Variants in DLG2 observed in about 807,000 individuals in gnomAD.
The protein encoded by DLG2 is disks large homolog 2.
A neutral mutation model predicts 132.5 loss-of-function variants in DLG2; 45 were observed. The ratio of observed to expected loss-of-function variants is 0.34; its 90% CI spans 0.27 to 0.44. DLG2 has a LOEUF of 0.44. Ranked by LOEUF, DLG2 falls within the 20% of genes least tolerant of loss-of-function variation. The pLI is 1.00. For missense variants in DLG2, 1,045 were observed against 1,196.9 expected, an observed-to-expected ratio of 0.87 and a Z score of 1.87; for synonymous variants, 424 against 419.6, an observed-to-expected ratio of 1.01 and a Z score of -0.13.
rs542667860 is a variant in DLG2 at position 84,601,258 on chromosome 11, C to T, written c.358-66527G>A. 8.5e-5 allele frequency among the ~76,000 whole-genome samples: 13 copies of T among 152,154 alleles called. No individual in the cohort carries two copies. The South Asian group carries it at 2.5e-3, about 29-fold the overall frequency. ...ACACACACACACACGCACTCATGCACATACAGAGAATATTGCTCTTCATTA... is the reference window on the plus strand; with the variant it reads ...ACACACACACACACGCACTCATGCATATACAGAGAATATTGCTCTTCATTA... On this transcript the variant is annotated intron_variant, in intron 6 of 27. Transcript: ENST00000376104.
At chr11:85,258,249 T>C (rs1394456843) in intron 4 of DLG2, among the ~76,000 whole-genome samples, 2 of 152,224 alleles carry the variant, frequency 1.3e-5, no homozygotes, top group African/African-American at 4.8e-5. Flanking sequence ...TTATTCAATA[T>C]AGTCCTCTCC....
At chr11:84,008,027 G>A (rs1478488069) in intron 11 of DLG2, among the ~76,000 whole-genome samples, 1 of 151,586 alleles carries the variant, frequency 6.6e-6, no homozygotes, top group Admixed American at 6.6e-5. Flanking sequence ...TAAATTTTAG[G>A]TATTATTAAT....
At chr11:84,525,097 T>C (rs1361817302) in intron 7 of DLG2, among the ~76,000 whole-genome samples, 1 of 152,130 alleles carries the variant, frequency 6.6e-6, no homozygotes, top group Admixed American at 6.5e-5. Context: ...CCAAAGCCCA[T>C]ATATGGTGGT....
At chr11:84,963,603 T>G (rs955642060) in intron 6 of DLG2, among the ~76,000 whole-genome samples, 3 of 152,200 alleles carry the variant, frequency 2.0e-5, no homozygotes, top group Non-Finnish European at 4.4e-5. Flanking sequence ...GACAGGAGGA[T>G]GGCTATAGTT....
intron 6 of DLG2, among the ~76,000 whole-genome samples, chr11:84,737,184 T>G (rs1299900873): frequency 3.3e-5 from 5 of 151,994 alleles, no homozygotes; most frequent in Non-Finnish European, 7.4e-5. Context: ...CAATCCTGTA[T>G]TCCTGAAATA....
intron 6 of DLG2, among the ~76,000 whole-genome samples, chr11:84,547,172 T>C (rs1426871237): frequency 1.3e-5 from 2 of 152,192 alleles, no homozygotes; most frequent in Non-Finnish European, 2.9e-5. Flanking sequence ...ATCTAGTAAG[T>C]AGTCACTTAG....
At chr11:85,317,732 G>A (rs1475155806) in intron 3 of DLG2, among the ~76,000 whole-genome samples, 2 of 151,876 alleles carry the variant, frequency 1.3e-5, no homozygotes, top group Non-Finnish European at 2.9e-5. Flanking sequence ...ACATAGAAGG[G>A]AGCAAGATAC....
At chr11:83,798,162 T>C (rs1210773308) in intron 17 of DLG2, among the ~76,000 whole-genome samples, 1 of 152,214 alleles carries the variant, frequency 6.6e-6, no homozygotes, top group Non-Finnish European at 1.5e-5. Context: ...AGCAGTGTCC[T>C]GGGAAGAATA....
chr11:85,295,243 C>G (rs1021077331), intron 3 of DLG2, among the ~76,000 whole-genome samples: 1 of 152,118 alleles, frequency 6.6e-6, no homozygotes, highest in Non-Finnish European at 1.5e-5. Flanking sequence ...AGATAAGTAA[C>G]TATATGTAAT....
At chr11:84,758,286 T>C (rs893629060) in intron 6 of DLG2, among the ~76,000 whole-genome samples, 2 of 152,238 alleles carry the variant, frequency 1.3e-5, no homozygotes, top group Non-Finnish European at 2.9e-5. Context: ...GCTATGTATC[T>C]GGATTTTTTA....
chr11:85,272,994 G>A (rs1347281922), intron 4 of DLG2, among the ~76,000 whole-genome samples: 5 of 152,104 alleles, frequency 3.3e-5, no homozygotes, highest in African/African-American at 1.2e-4. Flanking sequence ...ACAAAAACAA[G>A]AAATGGGGAA....
chr11:85,532,587 C>A (rs2075282338), intron 3 of DLG2, among the ~76,000 whole-genome samples: 1 of 152,206 alleles, frequency 6.6e-6, no homozygotes, highest in Non-Finnish European at 1.5e-5. Context: ...TATGTATGGT[C>A]TACAGATAGA....
chr11:84,307,718 A>C (rs1308141448), intron 7 of DLG2, among the ~76,000 whole-genome samples: 1 of 148,172 alleles, frequency 6.7e-6, no homozygotes, highest in Non-Finnish European at 1.5e-5. Flanking sequence ...AAAAAAAAAG[A>C]AGCCGCGGAC....
intron 6 of DLG2, among the ~76,000 whole-genome samples, chr11:84,615,668 C>A (rs1352908910): frequency 6.6e-6 from 1 of 151,414 alleles, no homozygotes; most frequent in Non-Finnish European, 1.5e-5. Context: ...CCCTCTGTTT[C>A]CATCTAAAAT....
intron 16 of DLG2, among the ~76,000 whole-genome samples, chr11:83,873,021 A>G (rs2063778100): frequency 6.6e-6 from 1 of 152,070 alleles, no homozygotes; most frequent in Non-Finnish European, 1.5e-5. Flanking sequence ...TATTTTTTTC[A>G]CACTTAGGAA....
At chr11:84,296,440 T>C (rs1009825862) in intron 7 of DLG2, among the ~76,000 whole-genome samples, 2 of 152,136 alleles carry the variant, frequency 1.3e-5, no homozygotes, top group African/African-American at 4.8e-5. Flanking sequence ...GTACTTATGA[T>C]TTTTTTCTCT....
chr11:85,020,846 A>G (rs550230700), intron 6 of DLG2: 92 of 750,406 alleles, frequency 1.2e-4, no homozygotes, highest in South Asian at 1.2e-3. Flanking sequence ...CCATCCCCCA[A>G]TCTTCATTGT....
intron 7 of DLG2, among the ~76,000 whole-genome samples, chr11:84,281,134 A>T (rs1020880025): frequency 6.6e-6 from 1 of 152,088 alleles, no homozygotes; most frequent in African/African-American, 2.4e-5. Flanking sequence ...ACAAACTTTG[A>T]TTCACACCTC....
In DLG2 at chr11:85,400,681, G is replaced by A. The variant is rs1211799286; in HGVS notation, c.41-115316C>T. ...ATCATTCTCAGTAAACTATCGCAAG[G>A]ACAAAAAACCAAACACCGCATGTTC... On this transcript the variant is annotated intron_variant, in intron 3 of 27. Coordinates refer to ENST00000376104, the MANE Select transcript of DLG2 (RefSeq NM_001142699.3). 1.7e-4 allele frequency among the ~76,000 whole-genome samples: 25 copies of A among 146,138 alleles called. 1 individual carries two copies. Among genetic ancestry groups the A allele is most frequent in the African/African-American group, 4.8e-4 (19 of 39,418 alleles).
Sources: allele counts gnomAD v4.1 joint callset (sites outside exome capture counted in the v4.1 genomes callset), GRCh38; gene constraint gnomAD v4.1.1; transcripts MANE v1.5; gene names NCBI Gene and HGNC (gene_info 2026-07-23, HGNC 2026-07-21).